The following DNAAF3 variants were observed in gnomAD, a reference collection of about 807,000 sequenced individuals.
DNAAF3 encodes UPF0470 protein C19orf51.
A neutral mutation model predicts 50.9 loss-of-function variants in DNAAF3; 40 were observed. That is an observed-to-expected ratio of 0.79 (90% confidence interval 0.61 to 1.02). DNAAF3 has a LOEUF of 1.02. Among genes scored for constraint, DNAAF3 ranks in the 50% least tolerant of loss-of-function variants. The pLI is 0.00. For synonymous variants in DNAAF3, 327 were observed against 322.8 expected (o/e 1.01, Z -0.14); for missense variants, 763 against 744.7 (o/e 1.02, Z -0.29).
Position 55,161,041 on chromosome 19 carries a change from C to T in DNAAF3, c.912+24G>A, listed in dbSNP as rs1258753665. The stretch of plus-strand genomic sequence containing the variant: ...ACCGACCCCCAGCCCCACCTCTACC[C>T]CCAGTCCCAGCCTCGCCGCGCACCT... On this transcript the variant is annotated intron_variant, in intron 8 of 11. Transcript: ENST00000524407. This position sits in a 1 kb window ranked among gnomAD's most constrained non-coding sequence, Gnocchi z 6.4. The T allele has an allele frequency of 6.5e-7, 1 of 1,529,204 alleles. No individual in the cohort carries two copies. Among genetic ancestry groups the T allele is most frequent in the Non-Finnish European group, 8.8e-7 (1 of 1,139,446 alleles). 94.7% of individuals were successfully genotyped at this position (1,529,204 alleles called of 1,614,324 possible).
At chr19:55,165,313 C>A in intron 4 of DNAAF3, 57 bp downstream of exon 4, 3 of 1,502,868 alleles carry the variant, frequency 2.0e-6, no homozygotes, top group Non-Finnish European at 2.8e-6. Flanking sequence ...ATGCCAGAAT[C>A]CCTCTAGGGA....
intron 4 of DNAAF3, chr19:55,162,792 C>T: frequency 8.3e-6 from 5 of 605,332 alleles, no homozygotes; most frequent in Non-Finnish European, 8.3e-6. Flanking sequence ...ACCATGTGTA[C>T]AGGCTATTTG....
At position 55,161,729 on chromosome 19, in the gene DNAAF3, G is replaced by T; in HGVS notation, c.577C>A (p.Arg193Ser). The T allele has an allele frequency of 1.3e-6, 2 of 1,540,378 alleles. No homozygotes were observed. The highest frequency in any genetic ancestry group is 2.4e-5 in the South Asian group (2 of 83,760). ...CGGGAGCCCAGGTAGTGGCGCAGGC[G>T]CGAGTCCCAGAGGCGGCTCATGGGG... ...AFPMSRLWDS[R>S]LRHYLGSRYD... The change falls in exon 6 of 12, where the codon CGC (arginine) becomes AGC (serine). Residue 193 changes from arginine (R) to serine (S), a missense_variant. Physicochemically the swap from Arg to Ser is moderately radical, Grantham distance 110. Transcript: ENST00000524407. This position sits in a 1 kb window ranked among gnomAD's most constrained non-coding sequence, Gnocchi z 6.4.
At chr19:55,164,309 C>T (rs984308262) in intron 4 of DNAAF3, among the ~76,000 whole-genome samples, 3 of 152,012 alleles carry the variant, frequency 2.0e-5, no homozygotes, top group African/African-American at 4.8e-5. Flanking sequence ...GGTGAAACCC[C>T]GGCTCTACTA....
Position 55,158,887 on chromosome 19 carries a change from C to T in DNAAF3, c.*175G>A, listed in dbSNP as rs2147289305. The stretch of plus-strand genomic sequence containing the variant: ...ATTCTAGGAATAGACCATAGAATCT[C>T]AGAAATGGAATTTGAAAGTCTACCA... On this transcript the variant is annotated 3_prime_UTR_variant, in exon 12 of 12. Transcript: ENST00000524407. 1.5e-6 allele frequency: 1 copy of T among 673,096 alleles called. No homozygotes were observed. Among genetic ancestry groups the T allele is most frequent in the African/African-American group, 1.8e-5 (1 of 55,596 alleles). The allele number at this position is 673,096 out of a possible 1,614,324, so 41.7% of individuals were successfully genotyped here. A position where few individuals can be genotyped will look rare whatever the true frequency, so the allele number is the denominator to read the frequency against.
At position 55,166,261 on chromosome 19, in the gene DNAAF3, C is replaced by CTCTA; in HGVS notation, c.85+64_85+67dup. 6.3e-7 allele frequency: 1 copy of CTCTA among 1,577,258 alleles called. No individual in the cohort carries two copies. Among genetic ancestry groups the CTCTA allele is most frequent in the Non-Finnish European group, 8.6e-7 (1 of 1,161,518 alleles). On this transcript the variant is annotated intron_variant, in intron 2 of 11. Transcript: ENST00000524407. This position sits in a 1 kb window ranked among gnomAD's most constrained non-coding sequence, Gnocchi z 4.0. ...TTGCCACCGACGCTGGGACTACGAG[C>CTCTA]TCTAAAAGGCCGTCTGCTCAGGCTG...
chr19:55,162,677 TAAC>T (rs915911588), intron 4 of DNAAF3: 63 of 992,268 alleles, frequency 6.3e-5, no homozygotes, highest in Middle Eastern at 5.1e-4. Context: ...GGGGAAAAGA[TAAC>T]AACACAACAG....
rs1295065268 is a variant in DNAAF3, at chr19:55,160,853, C to G, written c.913-78G>C. The G allele has an allele frequency of 1.3e-6, 2 of 1,536,432 alleles. No individual in the cohort carries two copies. Among genetic ancestry groups the G allele is most frequent in the African/African-American group, 1.4e-5 (1 of 72,398 alleles). On this transcript the variant is annotated intron_variant, in intron 8 of 11. Transcript: ENST00000524407. This position sits in a 1 kb window ranked among gnomAD's most constrained non-coding sequence, Gnocchi z 4.7. The stretch of plus-strand genomic sequence containing the variant: ...GCTTAGAACGCTGGGAGTCCTCGGT[C>G]CAGGACTAGAACTCCCGCAGCTGCT...
At chr19:55,163,001 T>TC (rs1197645107) in intron 4 of DNAAF3, among the ~76,000 whole-genome samples, 1 of 46,228 alleles carries the variant, frequency 2.2e-5, no homozygotes, top group East Asian at 4.7e-4. Context: ...CTTTTTCTTT[T>TC]TTTTTTTTTT....
chr19:55,166,455 C>T lies in DNAAF3; in HGVS notation c.-4-38G>A, dbSNP rs769722681. 1.2e-6 allele frequency: 2 copies of T among 1,613,190 alleles called. No individual in the cohort carries two copies. The highest frequency in any genetic ancestry group is 1.1e-5 in the South Asian group (1 of 91,012). ...CATTCTGGGAATCGCACACATTGCC[C>T]GCCCCGCTCCCCTCTCACCGCCCCT... On this transcript the variant is annotated intron_variant, in intron 1 of 11. Transcript: ENST00000524407. The surrounding 1 kb of genome is among the most constrained non-coding windows in gnomAD (Gnocchi z 4.0).
rs1342815708 is a variant in DNAAF3, at chr19:55,165,479, G to A, written c.229-16C>T. 1 of 1,613,478 alleles carries A rather than the reference G, an allele frequency of 6.2e-7. No homozygotes were observed. The highest frequency in any genetic ancestry group is 8.5e-7 in the Non-Finnish European group (1 of 1,179,584). The stretch of plus-strand genomic sequence containing the variant: ...GCACAAAGAACTAGAAGGATGGACA[G>A]GGCAGAATAATTCTGAGACCTGTTT... On this transcript the variant is annotated splice_polypyrimidine_tract_variant and intron_variant, in intron 3 of 11. Transcript: ENST00000524407.
Position 55,165,953 on chromosome 19 carries a change from G to C in DNAAF3, c.133C>G (p.Pro45Ala). ...CCCAGAAGCAGCACATCTAGCTCGG[G>C]GTTGCTGTGCACTGTATCGGCCTGG... ...DSQADTVHSN[P>A]ELDVLLLGSV... Residue 45 changes from proline (P) to alanine (A), a missense_variant, in exon 3 of 12, where the codon CCC becomes GCC. By Grantham distance (27) the Pro-to-Ala change is conservative. Coordinates refer to ENST00000524407, the MANE Select transcript of DNAAF3 (RefSeq NM_001256715.2). 6.2e-7 allele frequency: 1 copy of C among 1,614,234 alleles called. No individual in the cohort carries two copies. The highest frequency in any genetic ancestry group is 1.1e-5 in the South Asian group (1 of 91,092).
At position 55,160,854 on chromosome 19, in the gene DNAAF3, C is replaced by T; in HGVS notation, c.913-79G>A. On this transcript the variant is annotated intron_variant, in intron 8 of 11. Coordinates refer to ENST00000524407, the MANE Select transcript of DNAAF3 (RefSeq NM_001256715.2). This position sits in a 1 kb window ranked among gnomAD's most constrained non-coding sequence, Gnocchi z 4.7. ...CTTAGAACGCTGGGAGTCCTCGGTC[C>T]AGGACTAGAACTCCCGCAGCTGCTT... The T allele has an allele frequency of 6.5e-7, 1 of 1,535,954 alleles. No homozygotes were observed. Among genetic ancestry groups the T allele is most frequent in the Non-Finnish European group, 8.7e-7 (1 of 1,150,226 alleles).
intron 4 of DNAAF3, chr19:55,162,654 C>T: frequency 1.0e-6 from 1 of 999,648 alleles, no homozygotes. Flanking sequence ...TCACCGCAGA[C>T]AGAGAATATT....
chr19:55,159,201 G>T lies in DNAAF3; in HGVS notation c.1487C>A (p.Pro496His), dbSNP rs757426979. 3.7e-5 allele frequency: 59 copies of T among 1,613,824 alleles called. No homozygotes were observed. The South Asian group carries it at 6.4e-4, about 17-fold the overall frequency. The change falls in exon 12 of 12, where the codon CCT becomes CAT. Residue 496 changes from proline (P) to histidine (H), a missense_variant. By Grantham distance (77) the Pro-to-His change is moderately conservative. Coordinates refer to ENST00000524407, the MANE Select transcript of DNAAF3 (RefSeq NM_001256715.2). ...ACAGTGTGGGGTCCCACCCTGCAGA[G>T]GCTGGGTCAGGCCCTCAAGGGCTGG... ...SNPALEGLTQPLQGGTPHCEP... is the reference protein window; with the variant it reads ...SNPALEGLTQHLQGGTPHCEP...
At position 55,160,907 on chromosome 19, in the gene DNAAF3, T is replaced by C; in HGVS notation, c.913-132A>G. The C allele has an allele frequency of 2.7e-6, 4 of 1,455,358 alleles. No homozygotes were observed. Among genetic ancestry groups the C allele is most frequent in the Non-Finnish European group, 3.6e-6 (4 of 1,105,836 alleles). The allele number at this position is 1,455,358 out of a possible 1,614,324, so 90.2% of individuals were successfully genotyped here. A position where few individuals can be genotyped will look rare whatever the true frequency, so the allele number is the denominator to read the frequency against. On this transcript the variant is annotated intron_variant, in intron 8 of 11. Coordinates refer to ENST00000524407, the MANE Select transcript of DNAAF3 (RefSeq NM_001256715.2). This position sits in a 1 kb window ranked among gnomAD's most constrained non-coding sequence, Gnocchi z 4.7. ...AGGATGTGAAGTGGGGCGGGACCTATCCCGCGGGGATGGGGCCTGTTCTCT... is the reference window on the plus strand; with the variant it reads ...AGGATGTGAAGTGGGGCGGGACCTACCCCGCGGGGATGGGGCCTGTTCTCT...
rs1183648126 is a variant in DNAAF3 at position 55,159,228 on chromosome 19, T to A, written c.1460A>T (p.Asn487Ile). Reference protein sequence around the residue: ...DILAQPLEASNPALEGLTQPL... With the variant: ...DILAQPLEASIPALEGLTQPL... ...CTGGGTCAGGCCCTCAAGGGCTGGG[T>A]TGCTGGCTTCAAGAGGCTGGGCCAG... The change falls in exon 12 of 12, where the codon AAC becomes ATC. Residue 487 changes from asparagine to isoleucine, a missense_variant. Asn to Ile is a moderately radical substitution (Grantham distance 149, BLOSUM62 -3). Transcript: ENST00000524407. 7 of 1,613,650 alleles carry A rather than the reference T, an allele frequency of 4.3e-6. No homozygotes were observed. Among genetic ancestry groups the A allele is most frequent in the Non-Finnish European group, 5.9e-6 (7 of 1,179,986 alleles).
chr19:55,160,734 G>A lies in DNAAF3; in HGVS notation c.954C>T (p.Leu318=). The A allele has an allele frequency of 6.2e-7, 1 of 1,612,698 alleles. No homozygotes were observed. The highest frequency in any genetic ancestry group is 2.2e-5 in the East Asian group (1 of 44,852). Reference sequence around the variant, plus strand: ...CGCGCCCCCAGGCGGCCACGTCGCGGAGCAGCTCCGTCACGTTGTGTTGAG... The same window carrying A: ...CGCGCCCCCAGGCGGCCACGTCGCGAAGCAGCTCCGTCACGTTGTGTTGAG... ...EITQHNVTEL[L]RDVAAWGRAR... is the part of the protein sequence containing the mutation. The change falls in exon 9 of 12, where the codon CTC becomes CTT. Residue 318 remains leucine, a synonymous_variant. Coordinates refer to ENST00000524407, the MANE Select transcript of DNAAF3 (RefSeq NM_001256715.2). This position sits in a 1 kb window ranked among gnomAD's most constrained non-coding sequence, Gnocchi z 4.7.
chr19:55,161,264 G>A lies in DNAAF3; in HGVS notation c.789+29C>T. 1.2e-6 allele frequency: 2 copies of A among 1,600,352 alleles called. No homozygotes were observed. Among genetic ancestry groups the A allele is most frequent in the East Asian group, 2.2e-5 (1 of 44,470 alleles). ...ACTCCTAGGACTCCGAGCAGCAGCAGTGGGCCAGGACAGGCAGTGGACACG... is the reference window on the plus strand; with the variant it reads ...ACTCCTAGGACTCCGAGCAGCAGCAATGGGCCAGGACAGGCAGTGGACACG... On this transcript the variant is annotated intron_variant, in intron 7 of 11. Transcript: ENST00000524407. The surrounding 1 kb of genome is among the most constrained non-coding windows in gnomAD (Gnocchi z 6.4).
Sources: allele counts gnomAD v4.1 joint callset (sites outside exome capture counted in the v4.1 genomes callset), GRCh38; gene constraint gnomAD v4.1.1; non-coding constraint Gnocchi (gnomAD v3.1); transcripts MANE v1.5; gene names NCBI Gene and HGNC (gene_info 2026-07-23, HGNC 2026-07-21).